Variants in ABCB4 observed in about 807,000 individuals in gnomAD.
The protein encoded by ABCB4 is ATP binding cassette subfamily B member 4.
Under a neutral mutation model 145.7 loss-of-function variants are expected in ABCB4, and 76 were observed. The observed-to-expected ratio is 0.52, with a 90% CI of 0.43 to 0.63. The LOEUF is 0.63. Ranked by LOEUF, ABCB4 falls within the 30% of genes least tolerant of loss-of-function variation. ABCB4 has a pLI of 0.00. For synonymous variants in ABCB4, 517 were observed against 566.8 expected, an observed-to-expected ratio of 0.91 and a Z score of 1.25; for missense variants, 1,234 against 1,553.1, an observed-to-expected ratio of 0.79 and a Z score of 3.45.
At chr7:87,437,551 T>A (rs2116664437) in intron 14 of ABCB4, among the ~76,000 whole-genome samples, 1 of 152,310 alleles carries the variant, frequency 6.6e-6, no homozygotes, top group Middle Eastern at 3.4e-3. Context: ...GTAATGCTAA[T>A]CACCATAATA....
rs770169131 is a variant in ABCB4 at position 87,450,084 on chromosome 7, C to A, written c.717G>T (p.Ser239=). The change falls in exon 8 of 28, where the codon TCG becomes TCT. Residue 239 remains serine (S), a synonymous_variant. Transcript: ENST00000649586. ...CAGCTAGTTCTTTGTCACTAAATGC[C>A]GAGAGTATCTGGACAGAAAAGAAAC... ...LSAAVWAKIL[S]AFSDKELAAY... is the part of the protein sequence containing the mutation. The A allele has an allele frequency of 6.2e-7, 1 of 1,613,994 alleles. No individual in the cohort carries two copies. The highest frequency in any genetic ancestry group is 2.2e-5 in the East Asian group (1 of 44,882).
chr7:87,408,277 A>G (rs976982008), intron 24 of ABCB4, 43 bp from the exon 25 acceptor site: 1 of 1,559,228 alleles, frequency 6.4e-7, no homozygotes, highest in Non-Finnish European at 8.8e-7. Context: ...TGGCCTGATA[A>G]TTATTGGAAT....
intron 4 of ABCB4, among the ~76,000 whole-genome samples, chr7:87,458,291 G>A (rs1386741170): frequency 6.6e-6 from 1 of 152,180 alleles, no homozygotes; most frequent in African/African-American, 2.4e-5. Flanking sequence ...GCAGAATGTT[G>A]TGTGCATACT....
chr7:87,471,093 T>C (rs559027157), intron 3 of ABCB4, among the ~76,000 whole-genome samples: 2 of 151,924 alleles, frequency 1.3e-5, no homozygotes, highest in African/African-American at 4.8e-5. Flanking sequence ...CTGGAAACCA[T>C]CCTCAGCAAA....
chr7:87,385,395 G>T, the ABCB4 span, among the ~76,000 whole-genome samples: 2 of 151,770 alleles, frequency 1.3e-5, no homozygotes, highest in Admixed American at 6.6e-5. Context: ...TCCTTGTATT[G>T]ATTTTTTTAC....
rs751681894 is a variant in ABCB4 at position 87,439,835 on chromosome 7, T to C, written c.1563A>G (p.Lys521=). 2.4e-5 allele frequency: 38 copies of C among 1,614,054 alleles called. No individual in the cohort carries two copies. Among genetic ancestry groups the C allele is most frequent in the Non-Finnish European group, 3.1e-5 (37 of 1,180,026 alleles). ...AYEFIMKLPQ[K]FDTLVGERGA... ...CTCTCTCTCCAACCAGGGTGTCAAA[T>C]TTCTAACACAGAAAACATGGATCAG... The change falls in exon 14 of 28, where the codon AAA becomes AAG. Residue 521 remains lysine, a splice_region_variant and synonymous_variant. Coordinates refer to ENST00000649586, the MANE Select transcript of ABCB4 (RefSeq NM_000443.4).
intron 4 of ABCB4, among the ~76,000 whole-genome samples, chr7:87,461,416 T>G (rs1812453976): frequency 6.6e-6 from 1 of 152,212 alleles, no homozygotes; most frequent in Non-Finnish European, 1.5e-5. Context: ...TAAGCATGGT[T>G]TGGATGGCAG....
intron 4 of ABCB4, among the ~76,000 whole-genome samples, chr7:87,455,985 G>C (rs964608060): frequency 6.6e-6 from 1 of 152,114 alleles, no homozygotes; most frequent in Non-Finnish European, 1.5e-5. Context: ...TGAAATTTCC[G>C]ATTATTAATC....
chr7:87,457,846 A>C (rs1812199338), intron 4 of ABCB4, among the ~76,000 whole-genome samples: 1 of 152,188 alleles, frequency 6.6e-6, no homozygotes, highest in Non-Finnish European at 1.5e-5. Context: ...TTTGAGTCTC[A>C]AAGTAAATCA....
At chr7:87,391,767 A>T in the ABCB4 span, 1 of 1,559,120 alleles carries the variant, frequency 6.4e-7, no homozygotes, top group Non-Finnish European at 8.7e-7. Flanking sequence ...TTCTAAAGGA[A>T]CCGTGGTCTT....
At chr7:87,457,146 C>CGGT (rs1812149851) in intron 4 of ABCB4, among the ~76,000 whole-genome samples, 1 of 152,112 alleles carries the variant, frequency 6.6e-6, no homozygotes, top group South Asian at 2.1e-4. Flanking sequence ...CCGCCAGGCC[C>CGGT]GGTGGCTCAC....
At chr7:87,431,738 C>A (rs962217896) in intron 14 of ABCB4, among the ~76,000 whole-genome samples, 173 bp from the exon 15 acceptor site, 2 of 152,176 alleles carry the variant, frequency 1.3e-5, no homozygotes, top group Non-Finnish European at 2.9e-5. Context: ...AAATTAAAGT[C>A]AGACGAGTTT....
In ABCB4 at chr7:87,402,309, A is replaced by G; in HGVS notation, c.3634-7T>C. On this transcript the variant is annotated splice_region_variant and splice_polypyrimidine_tract_variant and intron_variant, in intron 27 of 27. Coordinates refer to ENST00000649586, the MANE Select transcript of ABCB4 (RefSeq NM_000443.4). ...CCAGGGCTTCTTGGACAACCTATTGATAAATCAGACAGACACCTTATCCCA... is the reference window on the plus strand; with the variant it reads ...CCAGGGCTTCTTGGACAACCTATTGGTAAATCAGACAGACACCTTATCCCA... 5 of 1,613,984 alleles carry G rather than the reference A, an allele frequency of 3.1e-6. No individual in the cohort carries two copies. The highest frequency in any genetic ancestry group is 1.7e-6 in the Non-Finnish European group (2 of 1,179,880).
At chr7:87,390,943 C>T in the ABCB4 span, among the ~76,000 whole-genome samples, 1 of 152,144 alleles carries the variant, frequency 6.6e-6, no homozygotes, top group East Asian at 1.9e-4. Context: ...TTTTGTGATG[C>T]AGCTTAGTTG....
At chr7:87,464,403 C>T (rs905863168) in intron 3 of ABCB4, among the ~76,000 whole-genome samples, 1 of 152,058 alleles carries the variant, frequency 6.6e-6, no homozygotes, top group African/African-American at 2.4e-5. Flanking sequence ...GAGCTGGGTC[C>T]CTAAAATTGT....
rs1035550970 is a variant in ABCB4, at chr7:87,406,359, C to A, written c.3415G>T (p.Val1139Leu). 6 of 1,614,016 alleles carry A rather than the reference C, an allele frequency of 3.7e-6. No homozygotes were observed. The African/African-American group carries it at 8.0e-5, about 22-fold the overall frequency. The change falls in exon 26 of 28, where the codon GTA becomes TTA. Residue 1139 changes from valine (V) to leucine (L), a missense_variant. By Grantham distance (32) the Val-to-Leu change is conservative (BLOSUM62 1). Around this residue, in one of 7 missense-constraint regions of ABCB4, gnomAD observed 301 missense variants for 389.0 expected, o/e 0.77. Transcript: ENST00000649586. ...NIAYGDNSRV[V>L]SQDEIVSAAK... Reference sequence around the variant, plus strand: ...GCACTCACAATTTCATCCTGTGATACAACCCGGCTGTTGTCTCCATAGGCA... The same window carrying A: ...GCACTCACAATTTCATCCTGTGATAAAACCCGGCTGTTGTCTCCATAGGCA...
In ABCB4 at chr7:87,449,977, T is replaced by A. The variant is rs1413469387; in HGVS notation, c.824A>T (p.Glu275Val). 6.8e-6 allele frequency: 11 copies of A among 1,614,026 alleles called. 1 individual carries two copies. In the South Asian group the frequency reaches 8.8e-5, roughly 13 times the overall value. ...TVIAFGGQNKELERYQKHLEN... is the reference protein window; with the variant it reads ...TVIAFGGQNKVLERYQKHLEN... ...AAAGAACCTTCCTGACCTTTCCAGC[T>A]CTTTGTTCTGGCCCCCGAAAGCTAT... is the stretch of plus-strand genomic sequence containing the variant. The change falls in exon 8 of 28, where the codon GAG becomes GTG. Residue 275 changes from glutamate (E) to valine (V), a missense_variant. Transcript: ENST00000649586.
intron 14 of ABCB4, among the ~76,000 whole-genome samples, chr7:87,438,057 A>G (rs553328541): frequency 1.1e-4 from 16 of 152,298 alleles, no homozygotes; most frequent in African/African-American, 3.8e-4. Context: ...CAATAATTCT[A>G]TTCTTTTAGC....
At chr7:87,451,602 A>G (rs1445351776) in intron 7 of ABCB4, 21 bp downstream of exon 7, 1 of 1,614,130 alleles carries the variant, frequency 6.2e-7, no homozygotes, top group Middle Eastern at 1.6e-4. Context: ...ACACACATAA[A>G]AAGGCCCAGC....
Sources: gnomAD v4.1 joint callset for allele counts (sites outside exome capture counted in the v4.1 genomes callset) on GRCh38, gnomAD v4.1.1 for gene constraint, gnomAD v4.1.1 regional missense constraint, MANE v1.5 for transcripts, NCBI Gene and HGNC (gene_info 2026-07-23, HGNC 2026-07-21) for gene names.